AXDND1: variants seen among roughly 807,000 people sequenced by gnomAD.
AXDND1 encodes axonemal dynein light chain domain containing 1.
AXDND1 carries 110 observed loss-of-function variants against 137.5 expected under a neutral mutation model. The observed-to-expected ratio is 0.80, with a 90% CI of 0.69 to 0.94. The LOEUF is 0.94. AXDND1 is among the 40% of genes least tolerant of loss of function. The probability of loss-of-function intolerance (pLI) is 0.00; values close to 1 mark genes in which losing one functional copy is unlikely to be tolerated. For synonymous variants in AXDND1, 414 were observed against 399.7 expected, an observed-to-expected ratio of 1.04 and a Z score of -0.43; for missense variants, 1,191 against 1,169.8, an observed-to-expected ratio of 1.02 and a Z score of -0.26.
At chr1:179,411,106 G>A (rs768906492) in intron 11 of AXDND1, 40 bp from the exon 12 acceptor site, 48 of 1,451,262 alleles carry the variant, frequency 3.3e-5, no homozygotes, top group Non-Finnish European at 3.5e-5. Flanking sequence ...TATATTGTTA[G>A]TATAAATTAA....
chr1:179,368,566 C>A (rs1667704103), intron 2 of AXDND1, among the ~76,000 whole-genome samples: 1 of 152,064 alleles, frequency 6.6e-6, no homozygotes, highest in African/African-American at 2.4e-5. Context: ...ATCTTGGTAC[C>A]TGAGTTTTTG....
At chr1:179,367,132 G>T (rs1571491408) in intron 2 of AXDND1, among the ~76,000 whole-genome samples, 1 of 151,932 alleles carries the variant, frequency 6.6e-6, no homozygotes, top group South Asian at 2.1e-4. Context: ...TGAGGCAAGA[G>T]AATCGCTTGA....
Position 179,395,126 on chromosome 1 carries a change from G to A in AXDND1, c.1033G>A (p.Val345Met), listed in dbSNP as rs1162033667. Reference protein sequence around the residue: ...RELCLVRAHDVKLTKETEKAH... With the variant: ...RELCLVRAHDMKLTKETEKAH... ...ACTGTGTCTAGTTCGGGCACATGATGTGAAATTAACAAAGGAAACAGAAAA... is the reference window on the plus strand; with the variant it reads ...ACTGTGTCTAGTTCGGGCACATGATATGAAATTAACAAAGGAAACAGAAAA... Residue 345 changes from valine (V) to methionine (M), a missense_variant, in exon 11 of 26, where the codon GTG (valine) becomes ATG (methionine). Physicochemically the swap from Val to Met is conservative, Grantham distance 21. Coordinates refer to ENST00000367618, the MANE Select transcript of AXDND1 (RefSeq NM_144696.6). 1 of 1,613,094 alleles carries A rather than the reference G, an allele frequency of 6.2e-7. No homozygotes were observed. Among genetic ancestry groups the A allele is most frequent in the Non-Finnish European group, 8.5e-7 (1 of 1,179,552 alleles).
chr1:179,472,772 T>TTAATTTTA (rs1664122340), intron 17 of AXDND1, among the ~76,000 whole-genome samples: 1 of 152,212 alleles, frequency 6.6e-6, no homozygotes, highest in Non-Finnish European at 1.5e-5. Context: ...AGTAACTTTT[T>TTAATTTTA]AAATTTTAAA....
chr1:179,415,644 C>A (rs991232122), intron 12 of AXDND1, among the ~76,000 whole-genome samples: 1 of 152,110 alleles, frequency 6.6e-6, no homozygotes, highest in Non-Finnish European at 1.5e-5. Context: ...AGTCGCTTCT[C>A]ATTACCTCCA....
chr1:179,449,889 C>T (rs1395228076), intron 16 of AXDND1: 1 of 145,394 alleles, frequency 6.9e-6, no homozygotes, highest in Non-Finnish European at 1.5e-5. Flanking sequence ...TTTATTAGTT[C>T]TAATAGTTTC....
chr1:179,423,271 G>C (rs1045479512), intron 12 of AXDND1, among the ~76,000 whole-genome samples: 1 of 150,846 alleles, frequency 6.6e-6, no homozygotes, highest in African/African-American at 2.4e-5. Context: ...CTCTCTTTTG[G>C]TTTCCAATTG....
At chr1:179,523,782 T>C (rs1670288945) in intron 21 of AXDND1, among the ~76,000 whole-genome samples, 1 of 152,130 alleles carries the variant, frequency 6.6e-6, no homozygotes, top group Non-Finnish European at 1.5e-5. Context: ...TCTTTAGTGA[T>C]AATTTCTCAG....
chr1:179,499,066 A>G (rs113648305), intron 20 of AXDND1, among the ~76,000 whole-genome samples: 63 of 152,174 alleles, frequency 4.1e-4, no homozygotes, highest in Non-Finnish European at 8.1e-4. Context: ...CAACACAGCA[A>G]TCCCATTACT....
intron 11 of AXDND1, among the ~76,000 whole-genome samples, chr1:179,402,666 T>G (rs571398714): frequency 5.3e-4 from 81 of 152,318 alleles, no homozygotes; most frequent in African/African-American, 1.7e-3. Flanking sequence ...TACTCCCATC[T>G]TAAAAACAAA....
chr1:179,415,217 C>G (rs940935026), intron 12 of AXDND1, among the ~76,000 whole-genome samples: 1 of 152,090 alleles, frequency 6.6e-6, no homozygotes, highest in Non-Finnish European at 1.5e-5. Context: ...TGGCGGGTGT[C>G]TGTAGTCCCA....
At chr1:179,475,312 C>T (rs1223042864) in intron 17 of AXDND1, among the ~76,000 whole-genome samples, 1 of 152,238 alleles carries the variant, frequency 6.6e-6, no homozygotes, top group Non-Finnish European at 1.5e-5. Flanking sequence ...ACACCTTGCA[C>T]TGTGCACTTG....
At chr1:179,518,531 T>C (rs1669768653) in intron 21 of AXDND1, among the ~76,000 whole-genome samples, 1 of 152,168 alleles carries the variant, frequency 6.6e-6, no homozygotes, top group Non-Finnish European at 1.5e-5. Context: ...CTTGATCCTC[T>C]CCCTCTGTCC....
intron 20 of AXDND1, among the ~76,000 whole-genome samples, chr1:179,496,716 AT>A (rs1489527895): frequency 3.0e-4 from 45 of 151,754 alleles, no homozygotes; most frequent in African/African-American, 1.0e-3. Flanking sequence ...TCTAGTCTTT[AT>A]TGTTTATATT....
intron 21 of AXDND1, among the ~76,000 whole-genome samples, chr1:179,520,488 G>A (rs1160501579): frequency 1.3e-5 from 2 of 151,498 alleles, no homozygotes; most frequent in Non-Finnish European, 2.9e-5. Flanking sequence ...ATGTTGCCTC[G>A]GCTGGTCTCA....
intron 25 of AXDND1, among the ~76,000 whole-genome samples, chr1:179,540,702 T>C (rs897299488): frequency 6.6e-6 from 1 of 152,162 alleles, no homozygotes; most frequent in Non-Finnish European, 1.5e-5. Flanking sequence ...AGTCTGTCTG[T>C]TATCAGAGCT....
At chr1:179,481,775 AATTATCT>A (rs1665423684) in intron 17 of AXDND1, among the ~76,000 whole-genome samples, 1 of 152,118 alleles carries the variant, frequency 6.6e-6, no homozygotes, top group South Asian at 2.1e-4. Context: ...TGGCTGCATA[AATTATCT>A]ATTGTTTTCA....
intron 16 of AXDND1, among the ~76,000 whole-genome samples, chr1:179,459,299 A>G (rs1661871975): frequency 6.6e-6 from 1 of 152,140 alleles, no homozygotes; most frequent in Admixed American, 6.6e-5. Flanking sequence ...GCTAGAATAC[A>G]TTTAGTTGTT....
In AXDND1 at chr1:179,376,070, T is replaced by C. The variant is rs112459398; in HGVS notation, c.375-2567T>C. ...CCATTTCACAATATTGCAACTGTTA[T>C]AGTCATTCTAAAATAATTTAAAATT... On this transcript the variant is annotated intron_variant, in intron 4 of 25. Transcript: ENST00000367618. 4.0e-3 allele frequency among the ~76,000 whole-genome samples: 613 copies of C among 152,292 alleles called. 2 individuals carry two copies. Among genetic ancestry groups the C allele is most frequent in the African/African-American group, 0.014 (577 of 41,558 alleles).
Sources: gnomAD v4.1 joint callset for allele counts (sites outside exome capture counted in the v4.1 genomes callset) on GRCh38, gnomAD v4.1.1 for gene constraint, MANE v1.5 for transcripts, NCBI Gene and HGNC (gene_info 2026-07-23, HGNC 2026-07-21) for gene names.